The following PACRG variants were observed in gnomAD, a reference collection of about 807,000 sequenced individuals.
The protein encoded by PACRG is parkin coregulated gene protein.
A neutral mutation model predicts 29.7 loss-of-function variants in PACRG; 29 were observed. The observed-to-expected ratio is 0.98, with a 90% CI of 0.73 to 1.33. The LOEUF (loss-of-function observed/expected upper bound fraction) is 1.33, where lower values mean the gene tolerates loss of function less well. Among genes scored for constraint, PACRG ranks in the 40% most tolerant of loss-of-function variants. The pLI is 0.00. For synonymous variants in PACRG, 116 were observed against 118.7 expected, an observed-to-expected ratio of 0.98 and a Z score of 0.15; for missense variants, 279 against 316.2, an observed-to-expected ratio of 0.88 and a Z score of 0.89.
chr6:163,017,436 A>T (rs1806212708), intron 2 of PACRG, among the ~76,000 whole-genome samples: 1 of 152,080 alleles, frequency 6.6e-6, no homozygotes, highest in African/African-American at 2.4e-5. Flanking sequence ...AGTCACAAAA[A>T]TATTACGAAT....
chr6:163,206,223 A>C (rs187311740), intron 4 of PACRG, among the ~76,000 whole-genome samples: 1 of 152,306 alleles, frequency 6.6e-6, no homozygotes, highest in East Asian at 1.9e-4. Flanking sequence ...ATATACCTGA[A>C]GTAATATAAA....
chr6:162,768,730 T>TG (rs67526393), intron 1 of PACRG, among the ~76,000 whole-genome samples: 26,532 of 152,060 alleles, frequency 0.17, 2,999 homozygotes, highest in East Asian at 0.48. Context: ...TACTAATATA[T>TG]GGGGGGTGTT....
chr6:162,860,482 C>T (rs193058342), intron 2 of PACRG, among the ~76,000 whole-genome samples: 14 of 152,310 alleles, frequency 9.2e-5, no homozygotes, highest in Non-Finnish European at 1.5e-4. Flanking sequence ...GAGTCCCACT[C>T]GCCATGTTGA....
At chr6:162,894,334 G>A (rs1235091587) in intron 2 of PACRG, among the ~76,000 whole-genome samples, 1 of 152,134 alleles carries the variant, frequency 6.6e-6, no homozygotes, top group African/African-American at 2.4e-5. Flanking sequence ...AACATGTCTT[G>A]CTCTCTAAAA....
At chr6:162,967,879 CG>C (rs1249304803) in intron 2 of PACRG, among the ~76,000 whole-genome samples, 2 of 152,018 alleles carry the variant, frequency 1.3e-5, no homozygotes, top group African/African-American at 4.8e-5. Flanking sequence ...TCAAACAAAA[CG>C]TTCATAAATT....
intron 2 of PACRG, among the ~76,000 whole-genome samples, chr6:162,842,317 T>G (rs1438642052): frequency 7.2e-6 from 1 of 138,668 alleles, no homozygotes. Flanking sequence ...TAGTTAGCTC[T>G]TCTTGTTGAA....
chr6:163,002,319 C>T (rs1039831858), intron 2 of PACRG, among the ~76,000 whole-genome samples: 1 of 152,170 alleles, frequency 6.6e-6, no homozygotes, highest in African/African-American at 2.4e-5. Context: ...TAAGGTTTCT[C>T]GTAGCACAAT....
At chr6:162,887,607 G>A (rs940072979) in intron 2 of PACRG, among the ~76,000 whole-genome samples, 1 of 152,080 alleles carries the variant, frequency 6.6e-6, no homozygotes, top group Non-Finnish European at 1.5e-5. Flanking sequence ...AACATATCAG[G>A]GTGAAATTAT....
At chr6:162,806,821 G>T (rs1023883864) in intron 1 of PACRG, among the ~76,000 whole-genome samples, 1 of 152,170 alleles carries the variant, frequency 6.6e-6, no homozygotes, top group African/African-American at 2.4e-5. Flanking sequence ...GAGTCAGCCT[G>T]TCTTTTGAAA....
chr6:162,909,945 G>A (rs1796196021), intron 2 of PACRG, among the ~76,000 whole-genome samples: 1 of 152,136 alleles, frequency 6.6e-6, no homozygotes, highest in African/African-American at 2.4e-5. Flanking sequence ...CTGCAAACAC[G>A]TATATGAAGA....
At chr6:162,842,584 T>C (rs1182116973) in intron 2 of PACRG, among the ~76,000 whole-genome samples, 1 of 143,866 alleles carries the variant, frequency 7.0e-6, no homozygotes, top group East Asian at 2.1e-4. Context: ...TTGGAGCATT[T>C]AGTCCATTTA....
intron 2 of PACRG, among the ~76,000 whole-genome samples, chr6:162,971,668 C>G (rs1414294028): frequency 1.3e-5 from 2 of 152,148 alleles, no homozygotes; most frequent in South Asian, 2.1e-4. Flanking sequence ...AGGAAAGCAA[C>G]CTGTCTCTAA....
intron 4 of PACRG, among the ~76,000 whole-genome samples, chr6:163,241,907 C>G (rs1484549880): frequency 6.6e-6 from 1 of 152,012 alleles, no homozygotes; most frequent in Non-Finnish European, 1.5e-5. Context: ...ACATTCATAC[C>G]CATTTGTGAG....
intron 2 of PACRG, among the ~76,000 whole-genome samples, chr6:162,864,549 A>G (rs1792136455): frequency 6.6e-6 from 1 of 152,126 alleles, no homozygotes; most frequent in Admixed American, 6.5e-5. Flanking sequence ...CCATCCATCA[A>G]TCTTCATGAG....
chr6:162,852,667 A>T (rs887351730), intron 2 of PACRG, among the ~76,000 whole-genome samples: 6 of 152,366 alleles, frequency 3.9e-5, no homozygotes, highest in Admixed American at 3.3e-4. Context: ...ATTGTTAGAT[A>T]AAATGAGGCC....
chr6:162,824,346 G>A (rs1232418139), intron 2 of PACRG, among the ~76,000 whole-genome samples: 1 of 152,124 alleles, frequency 6.6e-6, no homozygotes, highest in Non-Finnish European at 1.5e-5. Context: ...GAAAGTGTGG[G>A]AGAGATGAAA....
chr6:162,738,032 T>C (rs1335254184), intron 1 of PACRG, among the ~76,000 whole-genome samples: 2 of 152,180 alleles, frequency 1.3e-5, no homozygotes, highest in Admixed American at 6.5e-5. Context: ...CATCTAGATT[T>C]AATAAACAAT....
intron 1 of PACRG, among the ~76,000 whole-genome samples, chr6:162,782,180 C>T (rs11966414): frequency 0.23 from 35,044 of 151,652 alleles, 5,042 homozygotes; most frequent in African/African-American, 0.38. Flanking sequence ...ATCATTACAT[C>T]GGAATAAAGG....
intron 4 of PACRG, among the ~76,000 whole-genome samples, chr6:163,305,047 G>A (rs1374036203): frequency 1.3e-5 from 2 of 152,224 alleles, no homozygotes; most frequent in Non-Finnish European, 2.9e-5. Context: ...AGCAGCAACT[G>A]CACAAAGAAA....
Sources: gnomAD v4.1 joint callset for allele counts (sites outside exome capture counted in the v4.1 genomes callset) on GRCh38, gnomAD v4.1.1 for gene constraint, MANE v1.5 for transcripts, NCBI Gene and HGNC (gene_info 2026-07-23, HGNC 2026-07-21) for gene names.